The following MOB4 variants were observed in gnomAD, a reference collection of about 807,000 sequenced individuals.
MOB4 encodes MOB family member 4, phocein.
A neutral mutation model predicts 32.2 loss-of-function variants in MOB4; 4 were observed. That is an observed-to-expected ratio of 0.12 (90% confidence interval 0.06 to 0.28). The LOEUF (loss-of-function observed/expected upper bound fraction) is 0.28, where lower values mean the gene tolerates loss of function less well. Among genes scored for constraint, MOB4 ranks in the 10% least tolerant of loss-of-function variants. The pLI, the probability that MOB4 is intolerant of heterozygous loss-of-function variation, is 1.00. For missense variants in MOB4, 158 were observed against 271.2 expected, an observed-to-expected ratio of 0.58 and a Z score of 2.93; for synonymous variants, 88 against 88.1, an observed-to-expected ratio of 1.00 and a Z score of 0.01.
intron 4 of MOB4, 23 bp downstream of exon 4, chr2:197,540,176 G>C (rs200589232): frequency 1.9e-6 from 3 of 1,598,428 alleles, no homozygotes; most frequent in South Asian, 2.3e-5. Flanking sequence ...TTAAGTCAAA[G>C]TTATAATTGA....
intron 5 of MOB4, 125 bp downstream of exon 5, chr2:197,540,562 CTTG>C (rs2086879341): frequency 2.1e-6 from 2 of 961,996 alleles, no homozygotes; most frequent in East Asian, 3.1e-5. Flanking sequence ...TTTTGAGTTG[CTTG>C]TTGTGAAGTT....
intron 2 of MOB4, among the ~76,000 whole-genome samples, chr2:197,529,397 A>G (rs1034451591): frequency 2.0e-5 from 3 of 151,632 alleles, no homozygotes; most frequent in Non-Finnish European, 4.4e-5. Flanking sequence ...TGTCACCCAG[A>G]CTGGAGTACG....
Position 197,540,331 on chromosome 2 carries a change from A to C in MOB4, c.268-20A>C, listed in dbSNP as rs1233167437. 6.6e-7 allele frequency: 1 copy of C among 1,523,086 alleles called. No individual in the cohort carries two copies. Among genetic ancestry groups the C allele is most frequent in the Non-Finnish European group, 8.8e-7 (1 of 1,142,650 alleles). 94.3% of individuals were successfully genotyped at this position (1,523,086 alleles called of 1,614,324 possible). A position where few individuals can be genotyped will look rare whatever the true frequency, so the allele number is the denominator to read the frequency against. On this transcript the variant is annotated intron_variant, in intron 4 of 7. Transcript: ENST00000323303. ...TTCATTATTATTTTACATATTAAGA[A>C]ATATAATTATTTTTAACAGAGTGAA...
chr2:197,534,053 C>T (rs939796604), intron 2 of MOB4: 2 of 433,876 alleles, frequency 4.6e-6, no homozygotes, highest in Admixed American at 5.5e-5. Flanking sequence ...ATGTCACCAT[C>T]ATCTGGACAG....
intron 5 of MOB4, among the ~76,000 whole-genome samples, chr2:197,547,131 A>G (rs2087009740): frequency 6.6e-6 from 1 of 152,082 alleles, no homozygotes; most frequent in Admixed American, 6.6e-5. Context: ...TTTGCCATTC[A>G]TTAAGTGGAT....
At chr2:197,522,505 A>G (rs891662477) in intron 1 of MOB4, among the ~76,000 whole-genome samples, 2 of 150,432 alleles carry the variant, frequency 1.3e-5, no homozygotes, top group Non-Finnish European at 1.5e-5. Context: ...TATTTTTTGT[A>G]TTTTTAGTAG....
chr2:197,518,593 C>T (rs1428150609), intron 1 of MOB4, among the ~76,000 whole-genome samples: 26 of 150,506 alleles, frequency 1.7e-4, no homozygotes, highest in African/African-American at 6.1e-4. Context: ...GGCAGAGTCT[C>T]GTTCTGTCGC....
chr2:197,545,421 T>C (rs1193872548), intron 5 of MOB4, among the ~76,000 whole-genome samples: 3 of 152,204 alleles, frequency 2.0e-5, no homozygotes, highest in East Asian at 3.8e-4. Context: ...TTTATTGTTA[T>C]GGGGTTTTAA....
chr2:197,535,421 C>T (rs2086781135), intron 2 of MOB4, 109 bp from the exon 3 acceptor site: 2 of 1,004,904 alleles, frequency 2.0e-6, no homozygotes, highest in Non-Finnish European at 2.8e-6. Context: ...TAGTGTATAA[C>T]CCAAGTTGAA....
chr2:197,516,862 G>A (rs2086424515), intron 1 of MOB4: 1 of 382,456 alleles, frequency 2.6e-6, no homozygotes, highest in African/African-American at 2.1e-5. Flanking sequence ...TGCTTGATTA[G>A]GCATTGTTTC....
chr2:197,534,182 A>G (rs1021223701), intron 2 of MOB4, among the ~76,000 whole-genome samples: 2 of 152,242 alleles, frequency 1.3e-5, no homozygotes, highest in African/African-American at 4.8e-5. Context: ...TGAGTAAGCA[A>G]GTGATATTCA....
intron 5 of MOB4, among the ~76,000 whole-genome samples, chr2:197,548,072 A>G (rs1290279121): frequency 6.6e-6 from 1 of 152,100 alleles, no homozygotes; most frequent in Non-Finnish European, 1.5e-5. Context: ...CTTGTCTGTA[A>G]TTGTTGTTTT....
chr2:197,533,238 G>A lies in MOB4; in HGVS notation c.124-2292G>A, dbSNP rs547614983. Among the ~76,000 whole-genome samples the A allele has an allele frequency of 1.5e-3, 228 of 152,328 alleles. 1 individual carries two copies. Among genetic ancestry groups the A allele is most frequent in the African/African-American group, 5.0e-3 (208 of 41,576 alleles). ...AGTTCTGTGAGGATTCGAATAATCA[G>A]GGAGTGCTTGAGTGTGTTGGGGGAA... On this transcript the variant is annotated intron_variant, in intron 2 of 7. Transcript: ENST00000323303.
Position 197,542,618 on chromosome 2 carries a change from C to T in MOB4, c.354+2181C>T, listed in dbSNP as rs76453025. The stretch of plus-strand genomic sequence containing the variant: ...AAATTATACAAATAGTGCTTCTAGG[C>T]GACAAACATTATAACTTACTGTCTA... On this transcript the variant is annotated intron_variant, in intron 5 of 7. Transcript: ENST00000323303. Among the ~76,000 whole-genome samples, 507 of 152,184 alleles carry T rather than the reference C, an allele frequency of 3.3e-3. 10 individuals are homozygous for T. The highest frequency in any genetic ancestry group is 0.024 in the East Asian group (124 of 5,184).
Position 197,551,834 on chromosome 2 carries a change from T to C in MOB4, c.*1188T>C, listed in dbSNP as rs974584198. The C allele has an allele frequency of 2.6e-4, 40 of 152,130 alleles. No homozygotes were observed. Among genetic ancestry groups the C allele is most frequent in the African/African-American group, 9.0e-4 (37 of 41,252 alleles). The allele number at this position is 152,130 out of a possible 1,614,324, so 9.4% of individuals were successfully genotyped here. ...TTGAAATGCAGATTTAACAATCTTA[T>C]AATCTATTGAATGCCATTTTTGATA... On this transcript the variant is annotated 3_prime_UTR_variant, in exon 8 of 8. Transcript: ENST00000323303.
intron 1 of MOB4, among the ~76,000 whole-genome samples, chr2:197,521,248 G>T (rs1238658774): frequency 2.6e-5 from 4 of 152,154 alleles, no homozygotes; most frequent in African/African-American, 9.7e-5. Flanking sequence ...TCACATGTCG[G>T]TGGGTACCGT....
chr2:197,548,721 GT>G (rs2087041899), intron 6 of MOB4, among the ~76,000 whole-genome samples: 1 of 151,764 alleles, frequency 6.6e-6, no homozygotes, highest in South Asian at 2.1e-4. Context: ...ATTTTGGCTT[GT>G]TTATTCAAGT....
At position 197,551,988 on chromosome 2, in the gene MOB4, A is replaced by AT. The variant is rs2087106090; in HGVS notation, c.*1345dup. ...TTTAACAAACATGAGGAACTTTTTT[A>AT]TTTAGAAGGATAATTTTGAAGATGA... On this transcript the variant is annotated 3_prime_UTR_variant, in exon 8 of 8. Coordinates refer to ENST00000323303, the MANE Select transcript of MOB4 (RefSeq NM_015387.5). 8.5e-6 allele frequency: 1 copy of AT among 117,394 alleles called. No individual in the cohort carries two copies. Among genetic ancestry groups the AT allele is most frequent in the Non-Finnish European group, 1.8e-5 (1 of 56,792 alleles). 7.3% of individuals were successfully genotyped at this position (117,394 alleles called of 1,614,324 possible).
chr2:197,539,311 A>T (rs1046513415), intron 3 of MOB4, among the ~76,000 whole-genome samples: 1 of 135,644 alleles, frequency 7.4e-6, no homozygotes, highest in Admixed American at 8.2e-5. Flanking sequence ...GTGCAATTGT[A>T]ATGTAATTTT....
Sources: gnomAD v4.1 joint callset for allele counts (sites outside exome capture counted in the v4.1 genomes callset) on GRCh38, gnomAD v4.1.1 for gene constraint, MANE v1.5 for transcripts, NCBI Gene and HGNC (gene_info 2026-07-23, HGNC 2026-07-21) for gene names.